WWOX: variants seen among roughly 807,000 people sequenced by gnomAD.
WWOX encodes WW domain containing oxidoreductase.
Under a neutral mutation model 46.2 loss-of-function variants are expected in WWOX, and 69 were observed. The ratio of observed to expected loss-of-function variants is 1.49; its 90% confidence interval spans 1.23 to 1.82. WWOX has a LOEUF of 1.82. Among genes scored for constraint, WWOX ranks in the 40% most tolerant of loss-of-function variants. WWOX has a pLI of 0.00. For missense variants in WWOX, 919 were observed against 542.6 expected (o/e 1.69, Z -6.89); for synonymous variants, 359 against 202.6 (o/e 1.77, Z -6.56).
At chr16:78,930,735 C>T (rs112370328) in intron 8 of WWOX, among the ~76,000 whole-genome samples, 2 of 151,848 alleles carry the variant, frequency 1.3e-5, no homozygotes, top group East Asian at 3.9e-4. Context: ...TAAAGTTGAG[C>T]AGAAGAACTC....
chr16:78,525,835 C>T (rs1462088795), intron 8 of WWOX: 1 of 81,104 alleles, frequency 1.2e-5, no homozygotes, highest in Non-Finnish European at 2.6e-5. Context: ...CAGAAAGATG[C>T]ACACTGCTTT....
chr16:78,294,629 G>A (rs184445650), intron 5 of WWOX, among the ~76,000 whole-genome samples: 1 of 145,794 alleles, frequency 6.9e-6, no homozygotes, highest in Non-Finnish European at 1.5e-5. Flanking sequence ...TCTGTAAAAG[G>A]ATAGTCTAAA....
At position 78,601,266 on chromosome 16, in the gene WWOX, C is replaced by A. The variant is rs116998258; in HGVS notation, c.1056+168514C>A. Among the ~76,000 whole-genome samples, 53 of 152,272 alleles carry A rather than the reference C, an allele frequency of 3.5e-4. No individual in the cohort carries two copies. In the East Asian group the frequency reaches 7.9e-3, roughly 23 times the overall value. Reference sequence around the variant, plus strand: ...CAGAAGGAAGCCGGGTCCCTCTTTGCCCCTTTGGGTGTTTGTGAAAAGCAA... The same window carrying A: ...CAGAAGGAAGCCGGGTCCCTCTTTGACCCTTTGGGTGTTTGTGAAAAGCAA... On this transcript the variant is annotated intron_variant, in intron 8 of 8. Transcript: ENST00000566780.
intron 5 of WWOX, among the ~76,000 whole-genome samples, chr16:78,245,883 G>A (rs1439466040): frequency 6.6e-6 from 1 of 152,176 alleles, no homozygotes; most frequent in Admixed American, 6.5e-5. Context: ...GGCAGGAAAA[G>A]GTCCTCTCCA....
intron 8 of WWOX, among the ~76,000 whole-genome samples, chr16:78,639,412 A>C (rs1204413131): frequency 6.6e-6 from 1 of 152,176 alleles, no homozygotes; most frequent in Admixed American, 6.5e-5. Context: ...CACTTTGCAG[A>C]TGAGGAAATG....
chr16:78,959,728 A>G (rs1597208264), intron 8 of WWOX, among the ~76,000 whole-genome samples: 1 of 152,216 alleles, frequency 6.6e-6, no homozygotes, highest in Non-Finnish European at 1.5e-5. Context: ...CAAAAGGCCT[A>G]GGAGCCTTTC....
chr16:78,495,035 G>C (rs114377449), intron 8 of WWOX, among the ~76,000 whole-genome samples: 2,951 of 152,082 alleles, frequency 0.019, 94 homozygotes, highest in African/African-American at 0.068. Flanking sequence ...GTACTGCAAA[G>C]TGAGGATGTT....
At chr16:78,361,067 C>A (rs535920482) in intron 5 of WWOX, among the ~76,000 whole-genome samples, 1 of 152,266 alleles carries the variant, frequency 6.6e-6, no homozygotes, top group South Asian at 2.1e-4. Context: ...AAGAAATCTG[C>A]TTACCTCGGC....
intron 8 of WWOX, among the ~76,000 whole-genome samples, chr16:79,089,721 A>G (rs1172861131): frequency 1.3e-5 from 2 of 152,178 alleles, no homozygotes; most frequent in Non-Finnish European, 2.9e-5. Context: ...GCGTTTAAGC[A>G]TGGTAAACAG....
chr16:78,559,139 T>G (rs1467554234), intron 8 of WWOX, among the ~76,000 whole-genome samples: 1 of 152,210 alleles, frequency 6.6e-6, no homozygotes, highest in African/African-American at 2.4e-5. Context: ...AGAGCTGACC[T>G]TCCCAGGTGC....
intron 8 of WWOX, among the ~76,000 whole-genome samples, chr16:79,089,594 T>G (rs972084965): frequency 6.6e-6 from 1 of 152,094 alleles, no homozygotes; most frequent in African/African-American, 2.4e-5. Flanking sequence ...AGTCCCAACG[T>G]GCTGGGATTA....
chr16:78,625,865 C>G (rs1261011752), intron 8 of WWOX, among the ~76,000 whole-genome samples: 2 of 147,482 alleles, frequency 1.4e-5, no homozygotes, highest in African/African-American at 4.9e-5. Context: ...AATTGCATTA[C>G]TTAAAAGTTT....
At chr16:78,565,699 C>G (rs116001892) in intron 8 of WWOX, among the ~76,000 whole-genome samples, 3,227 of 152,212 alleles carry the variant, frequency 0.021, 117 homozygotes, top group African/African-American at 0.074. Context: ...CATTATTACT[C>G]TACCACAACC....
chr16:78,758,947 A>C (rs1002806198), intron 8 of WWOX, among the ~76,000 whole-genome samples: 8 of 152,002 alleles, frequency 5.3e-5, no homozygotes, highest in Admixed American at 1.3e-4. Context: ...CAAAAAAAAA[A>C]AAAACAAAAA....
At chr16:78,771,319 C>G (rs1014385373) in intron 8 of WWOX, among the ~76,000 whole-genome samples, 1 of 152,082 alleles carries the variant, frequency 6.6e-6, no homozygotes, top group African/African-American at 2.4e-5. Context: ...TGATCCAACC[C>G]CCAGCTTCTG....
chr16:78,812,731 C>T lies in WWOX; in HGVS notation c.1056+379979C>T, dbSNP rs897784933. Among the ~76,000 whole-genome samples, 4 of 147,848 alleles carry T rather than the reference C, an allele frequency of 2.7e-5. No homozygotes were observed. The South Asian group carries it at 6.3e-4, about 23-fold the overall frequency. ...ACAGAATGAGACTCCATCCTCCCAC[C>T]CCCTAAAAAAAAAATCTATCCAAAG... is the stretch of plus-strand genomic sequence containing the variant. On this transcript the variant is annotated intron_variant, in intron 8 of 8. Transcript: ENST00000566780.
At chr16:78,425,929 T>C (rs116853211) in intron 7 of WWOX, among the ~76,000 whole-genome samples, 1 of 152,160 alleles carries the variant, frequency 6.6e-6, no homozygotes, top group Non-Finnish European at 1.5e-5. Flanking sequence ...GAATGAAGCT[T>C]ATTTTTTTAA....
Position 78,985,714 on chromosome 16 carries a change from A to G in WWOX, c.1057-225894A>G, listed in dbSNP as rs182082046. Among the ~76,000 whole-genome samples the G allele has an allele frequency of 4.1e-4, 63 of 152,348 alleles. No individual in the cohort carries two copies. The East Asian group carries it at 0.011, about 27-fold the overall frequency. ...AATCCAAGAGATGGAGGTTGCAGTG[A>G]GCCAAGGTCGTGCCACTGCACTCCA... On this transcript the variant is annotated intron_variant, in intron 8 of 8. Transcript: ENST00000566780.
At chr16:78,976,031 C>G (rs1259275467) in intron 8 of WWOX, among the ~76,000 whole-genome samples, 1 of 152,154 alleles carries the variant, frequency 6.6e-6, no homozygotes, top group Non-Finnish European at 1.5e-5. Flanking sequence ...TTCAATGGTG[C>G]GTTTAGCCAG....
Sources: gnomAD v4.1 joint callset for allele counts (sites outside exome capture counted in the v4.1 genomes callset) on GRCh38, gnomAD v4.1.1 for gene constraint, MANE v1.5 for transcripts, NCBI Gene and HGNC (gene_info 2026-07-23, HGNC 2026-07-21) for gene names.